Variants in ANO2 observed in about 807,000 individuals in gnomAD.
ANO2 encodes anoctamin-2.
In ANO2, 101 loss-of-function variants were observed where a neutral mutation model predicts 124.2. The ratio of observed to expected loss-of-function variants is 0.81; its 90% CI spans 0.69 to 0.96. ANO2 has a LOEUF of 0.96. Ranked by LOEUF, ANO2 falls within the 40% of genes least tolerant of loss-of-function variation. ANO2 has a pLI of 0.00. For synonymous variants in ANO2, 486 were observed against 482.5 expected (o/e 1.01, Z -0.09); for missense variants, 1,293 against 1,274.5 (o/e 1.01, Z -0.22).
chr12:5,892,782 T>C (rs1939499179), intron 3 of ANO2, among the ~76,000 whole-genome samples: 1 of 152,140 alleles, frequency 6.6e-6, no homozygotes, highest in East Asian at 1.9e-4. Flanking sequence ...TAAAGGAAAT[T>C]CTTCAGAAAA....
chr12:5,738,574 A>C (rs1160906708), intron 13 of ANO2, among the ~76,000 whole-genome samples: 1 of 152,008 alleles, frequency 6.6e-6, no homozygotes, highest in Admixed American at 6.5e-5. Flanking sequence ...GGGCTTGCTG[A>C]GCTTGGAAGT....
At chr12:5,861,988 C>G (rs1955284762) in intron 3 of ANO2, among the ~76,000 whole-genome samples, 1 of 152,192 alleles carries the variant, frequency 6.6e-6, no homozygotes, top group Non-Finnish European at 1.5e-5. Flanking sequence ...ATTTGAGGAA[C>G]ACCATAGTCT....
chr12:5,814,858 A>C lies in ANO2; in HGVS notation c.893-7490T>G, dbSNP rs1953553124. On this transcript the variant is annotated intron_variant, in intron 7 of 24. Coordinates refer to ENST00000682330, the MANE Select transcript of ANO2 (RefSeq NM_001364791.2). Reference sequence around the variant, plus strand: ...CAATGACAAAGAGTCAAGAAACCTAAGTTCTAAACCCATTTCCAAAGTTCT... The same window carrying C: ...CAATGACAAAGAGTCAAGAAACCTACGTTCTAAACCCATTTCCAAAGTTCT... 2.6e-5 allele frequency among the ~76,000 whole-genome samples: 4 copies of C among 152,360 alleles called. No homozygotes were observed. In the South Asian group the frequency reaches 8.3e-4, roughly 32 times the overall value.
chr12:5,884,904 G>T (rs1296796587), intron 3 of ANO2, among the ~76,000 whole-genome samples: 2 of 146,964 alleles, frequency 1.4e-5, no homozygotes, highest in Non-Finnish European at 3.1e-5. Flanking sequence ...AACACCCCCT[G>T]CCCACCCACC....
intron 14 of ANO2, among the ~76,000 whole-genome samples, chr12:5,666,589 C>G (rs1460524904): frequency 6.6e-6 from 1 of 152,188 alleles, no homozygotes; most frequent in Non-Finnish European, 1.5e-5. Flanking sequence ...TCCTCGTTAC[C>G]AAATTTTACC....
intron 19 of ANO2, among the ~76,000 whole-genome samples, chr12:5,608,522 G>A (rs754294340): frequency 4.6e-5 from 7 of 151,928 alleles, no homozygotes; most frequent in African/African-American, 1.2e-4. Flanking sequence ...TTGCTCATTC[G>A]AGAGAAATTC....
chr12:5,676,310 C>G (rs1565554647), intron 14 of ANO2, among the ~76,000 whole-genome samples: 2 of 152,192 alleles, frequency 1.3e-5, no homozygotes, highest in African/African-American at 4.8e-5. Context: ...AAAAGGCAAA[C>G]ATGCTGGGCA....
chr12:5,928,327 C>A (rs1481943483), intron 1 of ANO2, among the ~76,000 whole-genome samples: 1 of 152,212 alleles, frequency 6.6e-6, no homozygotes, highest in Non-Finnish European at 1.5e-5. Context: ...CCAGCAAAAC[C>A]AGACAGGCCC....
intron 23 of ANO2, among the ~76,000 whole-genome samples, chr12:5,575,469 T>C (rs79073256): frequency 0.013 from 1,927 of 152,288 alleles, 34 homozygotes; most frequent in African/African-American, 0.044. Context: ...CATCATTAGG[T>C]GACTTTGCAA....
chr12:5,835,664 G>A (rs1316167671), intron 4 of ANO2, among the ~76,000 whole-genome samples: 1 of 152,240 alleles, frequency 6.6e-6, no homozygotes, highest in Non-Finnish European at 1.5e-5. Context: ...GGCAAAGCCC[G>A]TGTTCTTGAC....
intron 3 of ANO2, among the ~76,000 whole-genome samples, chr12:5,874,471 T>A (rs1043531248): frequency 2.6e-5 from 4 of 152,162 alleles, no homozygotes; most frequent in African/African-American, 9.7e-5. Context: ...TCATATTCAA[T>A]CACTTTTATC....
chr12:5,573,477 C>A (rs1279034115), intron 23 of ANO2, among the ~76,000 whole-genome samples: 1 of 152,184 alleles, frequency 6.6e-6, no homozygotes, highest in Non-Finnish European at 1.5e-5. Context: ...GAGCTTTAGA[C>A]CCTGCTTTGA....
chr12:5,710,625 T>G (rs567500990), intron 14 of ANO2, among the ~76,000 whole-genome samples: 1 of 152,250 alleles, frequency 6.6e-6, no homozygotes, highest in African/African-American at 2.4e-5. Context: ...TATGAGATCT[T>G]CAAAGGACGG....
intron 10 of ANO2, among the ~76,000 whole-genome samples, chr12:5,773,438 C>T (rs1016154497): frequency 1.3e-5 from 2 of 152,108 alleles, no homozygotes; most frequent in Non-Finnish European, 2.9e-5. Flanking sequence ...AAAATCACCA[C>T]CAACAGCAAG....
At chr12:5,805,143 CA>C (rs2137170821) in intron 9 of ANO2, among the ~76,000 whole-genome samples, 1 of 152,134 alleles carries the variant, frequency 6.6e-6, no homozygotes, top group East Asian at 1.9e-4. Flanking sequence ...AAGCAATCAC[CA>C]CAGTATTTCT....
At chr12:5,649,046 G>A (rs747845620) in intron 14 of ANO2, among the ~76,000 whole-genome samples, 38 of 152,282 alleles carry the variant, frequency 2.5e-4, no homozygotes, top group South Asian at 6.2e-4. Flanking sequence ...CACGCACAGT[G>A]GGAGACAGAA....
intron 14 of ANO2, among the ~76,000 whole-genome samples, chr12:5,656,369 T>C (rs377481732): frequency 6.6e-6 from 1 of 152,210 alleles, no homozygotes; most frequent in African/African-American, 2.4e-5. Context: ...CCTTCTTTTT[T>C]ATCCTAACTC....
At chr12:5,890,122 T>C (rs1473695536) in intron 3 of ANO2, among the ~76,000 whole-genome samples, 6 of 152,118 alleles carry the variant, frequency 3.9e-5, no homozygotes, top group Admixed American at 3.9e-4. Context: ...CCCACGAGTA[T>C]TGAGCCCTTG....
intron 4 of ANO2, among the ~76,000 whole-genome samples, chr12:5,851,656 G>A (rs1954912446): frequency 6.7e-6 from 1 of 148,826 alleles, no homozygotes; most frequent in African/African-American, 2.5e-5. Flanking sequence ...CTGCACTCCA[G>A]CCTGGGCAAC....
Sources: gnomAD v4.1 joint callset for allele counts (sites outside exome capture counted in the v4.1 genomes callset) on GRCh38, gnomAD v4.1.1 for gene constraint, MANE v1.5 for transcripts, NCBI Gene and HGNC (gene_info 2026-07-23, HGNC 2026-07-21) for gene names.